The following FBRSL1 variants were observed in gnomAD, a reference collection of about 807,000 sequenced individuals.
FBRSL1 encodes the protein fibrosin-1-like protein.
A neutral mutation model predicts 89.6 loss-of-function variants in FBRSL1; 51 were observed. The ratio of observed to expected loss-of-function variants is 0.57; its 90% confidence interval spans 0.45 to 0.72. The LOEUF (loss-of-function observed/expected upper bound fraction) is 0.72, where lower values mean the gene tolerates loss of function less well. FBRSL1 is among the 30% of genes least tolerant of loss of function. The pLI, the probability that FBRSL1 is intolerant of heterozygous loss-of-function variation, is 0.00. For missense variants in FBRSL1, 1,618 were observed against 1,451.8 expected (o/e 1.11, Z -1.86); for synonymous variants, 779 against 681.1 (o/e 1.14, Z -2.24).
intron 5 of FBRSL1, among the ~76,000 whole-genome samples, chr12:132,559,436 C>T (rs911464701): frequency 4.6e-5 from 7 of 152,240 alleles, no homozygotes; most frequent in Non-Finnish European, 1.0e-4. Flanking sequence ...CTGTCACCTA[C>T]GCTGAAGTGC....
At chr12:132,575,968 G>A (rs529027523) in intron 14 of FBRSL1, among the ~76,000 whole-genome samples, 1 of 152,362 alleles carries the variant, frequency 6.6e-6, no homozygotes, top group East Asian at 1.9e-4. Context: ...CTGCTCCCAT[G>A]GGAGGGCATG....
chr12:132,523,482 C>T (rs942230169), intron 2 of FBRSL1, among the ~76,000 whole-genome samples: 9 of 152,062 alleles, frequency 5.9e-5, no homozygotes, highest in African/African-American at 1.9e-4. Context: ...CATCTGCGCC[C>T]AGCCCTGACC....
In FBRSL1 at chr12:132,546,668, C is replaced by G. The variant is rs376289243; in HGVS notation, c.616-1335C>G. ...AGACCAGGGGGGACCAGCACACAGC[C>G]GGGACAGACAGCCTGGGGGAGCCTG... On this transcript the variant is annotated intron_variant, in intron 4 of 18. Transcript: ENST00000680143. This position sits in a 1 kb window ranked among gnomAD's most constrained non-coding sequence, Gnocchi z 4.0. 6.6e-6 allele frequency among the ~76,000 whole-genome samples: 1 copy of G among 152,186 alleles called. No homozygotes were observed. The highest frequency in any genetic ancestry group is 1.5e-5 in the Non-Finnish European group (1 of 68,016).
Position 132,495,561 on chromosome 12 carries a change from G to A in FBRSL1, c.291+4700G>A, listed in dbSNP as rs374352364. Among the ~76,000 whole-genome samples, 10 of 152,350 alleles carry A rather than the reference G, an allele frequency of 6.6e-5. No individual in the cohort carries two copies. The South Asian group carries it at 1.0e-3, about 16-fold the overall frequency. ...CCTTGTGGCTGCTTCCTGGTCTCCAGGTGGGGAAACTGAGGCACAGAGAGG... is the reference window on the plus strand; with the variant it reads ...CCTTGTGGCTGCTTCCTGGTCTCCAAGTGGGGAAACTGAGGCACAGAGAGG... On this transcript the variant is annotated intron_variant, in intron 1 of 18. Transcript: ENST00000680143.
At position 132,584,819 on chromosome 12, in the gene FBRSL1, TACACACAC is replaced by T. The variant is rs72443894; in HGVS notation, c.*1067_*1074del. 1.4e-4 allele frequency: 14 copies of T among 99,482 alleles called. No homozygotes were observed. Among genetic ancestry groups the T allele is most frequent in the Non-Finnish European group, 1.7e-4 (8 of 47,172 alleles). The allele number at this position is 99,482 out of a possible 1,614,324, so 6.2% of individuals were successfully genotyped here. A position where few individuals can be genotyped will look rare whatever the true frequency, so the allele number is the denominator to read the frequency against. On this transcript the variant is annotated 3_prime_UTR_variant, in exon 19 of 19. Transcript: ENST00000680143. Reference sequence around the variant, plus strand: ...AGTGCAAGAGTCTAAAGGCTGATTTTACACACACACACACACACACACACACACACACA... The same window carrying T: ...AGTGCAAGAGTCTAAAGGCTGATTTTACACACACACACACACACACACACA...
At position 132,583,177 on chromosome 12, in the gene FBRSL1, C is replaced by G. The variant is rs1365058567; in HGVS notation, c.2408C>G (p.Pro803Arg). ...AAGATGCCCGCGCGCGCATCCCCGC[C>G]CCACAGCAAGGCGGCCCCTGGAGAC... The part of the protein sequence containing the change: ...AAKMPARASP[P>R]HSKAAPGDVK... The change falls in exon 19 of 19, where the codon CCC becomes CGC. Residue 803 changes from proline to arginine, a missense_variant. Pro to Arg is a moderately radical substitution (Grantham distance 103). Transcript: ENST00000680143. 6.9e-7 allele frequency: 1 copy of G among 1,455,304 alleles called. No individual in the cohort carries two copies. The highest frequency in any genetic ancestry group is 1.3e-5 in the South Asian group (1 of 77,878). 90.1% of individuals were successfully genotyped at this position (1,455,304 alleles called of 1,614,324 possible). A position where few individuals can be genotyped will look rare whatever the true frequency, so the allele number is the denominator to read the frequency against.
At chr12:132,504,579 G>T (rs773649804) in intron 1 of FBRSL1, among the ~76,000 whole-genome samples, 15 of 152,080 alleles carry the variant, frequency 9.9e-5, no homozygotes, top group Non-Finnish European at 1.9e-4. Context: ...TGGTGCCACG[G>T]GTGCTGACCC....
chr12:132,490,919 C>A, intron 1 of FBRSL1, 58 bp downstream of exon 1: 1 of 1,136,038 alleles, frequency 8.8e-7, no homozygotes, highest in Non-Finnish European at 1.1e-6. Flanking sequence ...CCGGAGTTGA[C>A]GCGTCGGGCG....
intron 4 of FBRSL1, among the ~76,000 whole-genome samples, chr12:132,531,959 G>C (rs2036326258): frequency 6.6e-6 from 1 of 152,258 alleles, no homozygotes; most frequent in Non-Finnish European, 1.5e-5. Flanking sequence ...GCCACCGTCA[G>C]TGCTGTAAGG....
chr12:132,526,888 C>G (rs1029842782), intron 3 of FBRSL1, among the ~76,000 whole-genome samples: 1 of 152,136 alleles, frequency 6.6e-6, no homozygotes, highest in African/African-American at 2.4e-5. Flanking sequence ...CCCTGGTGGT[C>G]TGAGTGTGTA....
intron 5 of FBRSL1, among the ~76,000 whole-genome samples, chr12:132,555,939 C>A (rs914721618): frequency 6.6e-6 from 1 of 152,102 alleles, no homozygotes; most frequent in Non-Finnish European, 1.5e-5. Flanking sequence ...CCTCGGGGTT[C>A]CAGGAGGCGC....
chr12:132,583,580 G>C lies in FBRSL1; in HGVS notation c.2811G>C (p.Ala937=). ...ALHFPRLSPA[A]LHNGLLARTP... is the part of the protein sequence containing the mutation. The stretch of plus-strand genomic sequence containing the variant: ...ACTTCCCGCGCCTCTCGCCCGCCGC[G>C]CTGCACAATGGGCTCCTGGCGCGGA... The change falls in exon 19 of 19, where the codon GCG becomes GCC. Residue 937 remains alanine (A), a synonymous_variant. Coordinates refer to ENST00000680143, the MANE Select transcript of FBRSL1 (RefSeq NM_001367871.1). 9.9e-7 allele frequency: 1 copy of C among 1,009,502 alleles called. No homozygotes were observed. The allele number at this position is 1,009,502 out of a possible 1,614,324, so 62.5% of individuals were successfully genotyped here. A position where few individuals can be genotyped will look rare whatever the true frequency, so the allele number is the denominator to read the frequency against.
intron 2 of FBRSL1, among the ~76,000 whole-genome samples, chr12:132,513,714 T>G (rs1367783794): frequency 6.6e-6 from 1 of 152,200 alleles, no homozygotes; most frequent in Non-Finnish European, 1.5e-5. Flanking sequence ...TGGTTTGTTG[T>G]TGGGGGAGGA....
At chr12:132,571,870 C>T in intron 9 of FBRSL1, 1 of 330,820 alleles carries the variant, frequency 3.0e-6, no homozygotes, top group Non-Finnish European at 5.5e-6. Context: ...TCCCGTGTTC[C>T]CCGCCCCGGA....
intron 4 of FBRSL1, among the ~76,000 whole-genome samples, chr12:132,532,060 C>T (rs972844838): frequency 6.6e-6 from 1 of 152,196 alleles, no homozygotes; most frequent in Admixed American, 6.5e-5. Context: ...TCCACAAGAG[C>T]TTGCTGGGGT....
intron 4 of FBRSL1, among the ~76,000 whole-genome samples, chr12:132,530,435 C>T (rs185239417): frequency 1.6e-4 from 24 of 151,912 alleles, no homozygotes; most frequent in Non-Finnish European, 3.4e-4. Context: ...GGGGGAGGGC[C>T]GGGTCTTAAG....
Position 132,537,805 on chromosome 12 carries a change from A to G in FBRSL1, c.615+9817A>G, listed in dbSNP as rs531674946. On this transcript the variant is annotated intron_variant, in intron 4 of 18. Coordinates refer to ENST00000680143, the MANE Select transcript of FBRSL1 (RefSeq NM_001367871.1). Reference sequence around the variant, plus strand: ...ACGTGTGCCTGCTATGTCTCCAGCTAAGTGGACCCCATGGATCCTTGGGAA... The same window carrying G: ...ACGTGTGCCTGCTATGTCTCCAGCTGAGTGGACCCCATGGATCCTTGGGAA... 1.2e-3 allele frequency among the ~76,000 whole-genome samples: 178 copies of G among 152,344 alleles called. 1 individual carries two copies. Among genetic ancestry groups the G allele is most frequent in the African/African-American group, 4.1e-3 (170 of 41,578 alleles).
intron 1 of FBRSL1, among the ~76,000 whole-genome samples, chr12:132,506,458 C>G (rs1284205660): frequency 1.3e-5 from 2 of 152,246 alleles, no homozygotes; most frequent in African/African-American, 4.8e-5. Context: ...TGCCCTCTGC[C>G]TGTCCCCTCT....
In FBRSL1 at chr12:132,508,199, G is replaced by A. The variant is rs766229188; in HGVS notation, c.338G>A (p.Arg113His). The A allele has an allele frequency of 3.9e-5, 60 of 1,551,114 alleles. No individual in the cohort carries two copies. Among genetic ancestry groups the A allele is most frequent in the Admixed American group, 7.8e-5 (4 of 50,986 alleles). Residue 113 changes from arginine (R) to histidine (H), a missense_variant, in exon 2 of 19, where the codon CGT (arginine) becomes CAT (histidine). Transcript: ENST00000680143. ...KPHERKEKWE[R>H]RLIKKPRESE... is the part of the protein sequence containing the mutation. The stretch of plus-strand genomic sequence containing the variant: ...CATGAGCGGAAGGAGAAGTGGGAGC[G>A]TCGTCTCATCAAGAAGCCCCGGGAG...
Sources: gnomAD v4.1 joint callset for allele counts (sites outside exome capture counted in the v4.1 genomes callset) on GRCh38, gnomAD v4.1.1 for gene constraint, Gnocchi (gnomAD v3.1) non-coding constraint, MANE v1.5 for transcripts, NCBI Gene and HGNC (gene_info 2026-07-23, HGNC 2026-07-21) for gene names.